The following IMMP2L variants were observed in gnomAD, a reference collection of about 807,000 sequenced individuals.
IMMP2L encodes the protein inner mitochondrial membrane peptidase subunit 2, also known as mitochondrial inner membrane protease subunit 2.
IMMP2L carries 18 observed loss-of-function variants against 19.3 expected under a neutral mutation model. That is an observed-to-expected ratio of 0.93 (90% CI 0.64 to 1.38). The LOEUF (loss-of-function observed/expected upper bound fraction) is 1.38. Ranked by LOEUF, IMMP2L falls within the 40% of genes most tolerant of loss-of-function variation. The pLI is 0.00. For missense variants in IMMP2L, 233 were observed against 218.2 expected, an observed-to-expected ratio of 1.07 and a Z score of -0.43; for synonymous variants, 76 against 73.0, an observed-to-expected ratio of 1.04 and a Z score of -0.21.
chr7:111,534,854 A>C (rs1422408995), intron 1 of IMMP2L, among the ~76,000 whole-genome samples: 1 of 152,182 alleles, frequency 6.6e-6, no homozygotes, highest in East Asian at 1.9e-4. Flanking sequence ...GAAGAAATGC[A>C]AAGATATTTT....
intron 3 of IMMP2L, among the ~76,000 whole-genome samples, chr7:111,453,201 G>A (rs778463243): frequency 7.9e-5 from 12 of 152,122 alleles, no homozygotes; most frequent in African/African-American, 2.2e-4. Context: ...ACTTCTGTTC[G>A]TAGCTGACCT....
At chr7:110,897,128 T>C (rs1427856311) in intron 4 of IMMP2L, among the ~76,000 whole-genome samples, 3 of 152,070 alleles carry the variant, frequency 2.0e-5, no homozygotes, top group Non-Finnish European at 4.4e-5. Flanking sequence ...CCTTTTAAAG[T>C]AAGATTAAAA....
At chr7:111,304,525 C>CAT (rs1280343724) in intron 3 of IMMP2L, among the ~76,000 whole-genome samples, 1 of 151,362 alleles carries the variant, frequency 6.6e-6, no homozygotes, top group African/African-American at 2.4e-5. Flanking sequence ...TGTATATATA[C>CAT]ATATATATAA....
At chr7:110,814,526 A>T (rs1802312089) in intron 5 of IMMP2L, among the ~76,000 whole-genome samples, 1 of 151,110 alleles carries the variant, frequency 6.6e-6, no homozygotes, top group African/African-American at 2.4e-5. Flanking sequence ...ATCTAAAAAA[A>T]TCACAAACCA....
intron 4 of IMMP2L, among the ~76,000 whole-genome samples, chr7:110,946,224 C>G (rs1000542017): frequency 1.3e-5 from 2 of 152,150 alleles, no homozygotes; most frequent in African/African-American, 4.8e-5. Flanking sequence ...ACATTTCTAA[C>G]AAGTTCCCTG....
intron 3 of IMMP2L, among the ~76,000 whole-genome samples, chr7:111,115,588 C>T (rs1013135625): frequency 1.3e-5 from 2 of 151,988 alleles, no homozygotes; most frequent in Non-Finnish European, 2.9e-5. Context: ...TATAGCTGTA[C>T]TATAACTAGA....
chr7:111,356,821 G>A (rs1828749138), intron 3 of IMMP2L, among the ~76,000 whole-genome samples: 2 of 152,100 alleles, frequency 1.3e-5, no homozygotes, highest in Admixed American at 1.3e-4. Flanking sequence ...AAGGTCAAGA[G>A]TTCAAGACTA....
At chr7:110,795,507 G>A (rs952936505) in intron 5 of IMMP2L, among the ~76,000 whole-genome samples, 4 of 152,184 alleles carry the variant, frequency 2.6e-5, no homozygotes, top group Admixed American at 2.6e-4. Flanking sequence ...AAGATACTGT[G>A]CTGACAGTGC....
At chr7:111,041,783 G>A (rs1036285147) in intron 3 of IMMP2L, among the ~76,000 whole-genome samples, 3 of 152,136 alleles carry the variant, frequency 2.0e-5, no homozygotes, top group Admixed American at 1.3e-4. Context: ...TTCCTACTAG[G>A]GCATAGACAT....
intron 5 of IMMP2L, among the ~76,000 whole-genome samples, chr7:110,787,627 T>A (rs1412885045): frequency 6.6e-6 from 1 of 152,008 alleles, no homozygotes; most frequent in Non-Finnish European, 1.5e-5. Flanking sequence ...TGAATTAAAT[T>A]TGTAAAATAA....
intron 2 of IMMP2L, among the ~76,000 whole-genome samples, chr7:111,499,800 C>G (rs1843980610): frequency 6.6e-6 from 1 of 152,128 alleles, no homozygotes; most frequent in Non-Finnish European, 1.5e-5. Flanking sequence ...GGGCTTTGGG[C>G]TCTTTTTTAA....
At chr7:110,787,997 T>A (rs1800199442) in intron 5 of IMMP2L, among the ~76,000 whole-genome samples, 1 of 151,910 alleles carries the variant, frequency 6.6e-6, no homozygotes, top group African/African-American at 2.4e-5. Flanking sequence ...TGCCTTTCCC[T>A]CCTGCCTGCT....
intron 5 of IMMP2L, among the ~76,000 whole-genome samples, chr7:110,840,633 T>C (rs1804977538): frequency 6.6e-6 from 1 of 152,148 alleles, no homozygotes; most frequent in African/African-American, 2.4e-5. Flanking sequence ...TTACATATGA[T>C]AGTATGAAAG....
chr7:110,691,988 C>A (rs1303090870), intron 5 of IMMP2L, among the ~76,000 whole-genome samples: 1 of 152,068 alleles, frequency 6.6e-6, no homozygotes, highest in African/African-American at 2.4e-5. Context: ...GTCATTATAT[C>A]AAAAAGACAT....
At chr7:111,539,214 GAAAGAAAGAA>G (rs1563331017) in intron 1 of IMMP2L, among the ~76,000 whole-genome samples, 31 of 94,938 alleles carry the variant, frequency 3.3e-4, no homozygotes, top group East Asian at 1.2e-3. Context: ...AAGAAAGAAA[GAAAGAAAGAA>G]AGAAAGAAAG....
At chr7:111,422,620 G>A (rs547261782) in intron 3 of IMMP2L, among the ~76,000 whole-genome samples, 1 of 151,866 alleles carries the variant, frequency 6.6e-6, no homozygotes, top group East Asian at 1.9e-4. Flanking sequence ...ATTTTGGGTT[G>A]AGACGATAGT....
At chr7:111,121,008 A>C (rs1490814580) in intron 3 of IMMP2L, among the ~76,000 whole-genome samples, 1 of 152,154 alleles carries the variant, frequency 6.6e-6, no homozygotes, top group East Asian at 1.9e-4. Context: ...ACTAAATTTC[A>C]AAGCTAATGA....
At chr7:111,421,112 G>A (rs1835475734) in intron 3 of IMMP2L, among the ~76,000 whole-genome samples, 1 of 151,732 alleles carries the variant, frequency 6.6e-6, no homozygotes, top group Non-Finnish European at 1.5e-5. Context: ...ACTGGCATGA[G>A]ATGGTTATCT....
At chr7:111,342,408 A>C (rs764630841) in intron 3 of IMMP2L, among the ~76,000 whole-genome samples, 138 of 152,208 alleles carry the variant, frequency 9.1e-4, no homozygotes, top group Non-Finnish European at 1.1e-3. Context: ...CCTGGTCAAC[A>C]TGGTGAAACC....
Sources: allele counts gnomAD v4.1 joint callset (sites outside exome capture counted in the v4.1 genomes callset), GRCh38; gene constraint gnomAD v4.1.1; transcripts MANE v1.5; gene names NCBI Gene and HGNC (gene_info 2026-07-23, HGNC 2026-07-21).